The following ACMSD variants were observed in gnomAD, a reference collection of about 807,000 sequenced individuals.
ACMSD encodes the protein 2-amino-3-carboxymuconate-6-semialdehyde decarboxylase.
Under a neutral mutation model 45.9 loss-of-function variants are expected in ACMSD, and 37 were observed. The ratio of observed to expected loss-of-function variants is 0.81; its 90% CI spans 0.62 to 1.06. The LOEUF is 1.06. Ranked by LOEUF, ACMSD falls within the 50% of genes least tolerant of loss-of-function variation. The pLI is 0.00. For missense variants in ACMSD, 434 were observed against 420.9 expected (o/e 1.03, Z -0.27); for synonymous variants, 138 against 148.8 (o/e 0.93, Z 0.53).
chr2:134,851,285 C>CT (rs1687331943), intron 2 of ACMSD, among the ~76,000 whole-genome samples: 1 of 152,172 alleles, frequency 6.6e-6, no homozygotes, highest in Non-Finnish European at 1.5e-5. Context: ...GTGCATGTGT[C>CT]TTTTTGGTAG....
At chr2:134,844,741 AGGGATATGAGC>A (rs1686972900) in intron 1 of ACMSD, among the ~76,000 whole-genome samples, 1 of 152,184 alleles carries the variant, frequency 6.6e-6, no homozygotes, top group African/African-American at 2.4e-5. Context: ...GTGAAAGCAA[AGGGATATGAGC>A]GGGACACCAA....
At chr2:134,861,903 G>C (rs1476617257) in intron 3 of ACMSD, 66 bp from the exon 4 acceptor site, 1 of 1,582,606 alleles carries the variant, frequency 6.3e-7, no homozygotes, top group Non-Finnish European at 8.7e-7. Flanking sequence ...GCTTGGCCTT[G>C]GGAAAGGAAG....
chr2:134,867,407 G>A, intron 5 of ACMSD, 172 bp from the exon 6 acceptor site: 2 of 399,904 alleles, frequency 5.0e-6, no homozygotes, highest in Middle Eastern at 6.3e-4. Context: ...CTAAGCAGGA[G>A]AAGTTTGTCA....
rs73962620 is a variant in ACMSD, at chr2:134,870,066, G to A, written c.581-899G>A. Among the ~76,000 whole-genome samples the A allele has an allele frequency of 4.7e-3, 709 of 152,338 alleles. 7 individuals are homozygous for A. The highest frequency in any genetic ancestry group is 0.016 in the African/African-American group (671 of 41,578). ...CCTGTGAAGCAGTGACCAGCCCCGG[G>A]CAGAATGAGCATCCTGTGAAGCCTA... On this transcript the variant is annotated intron_variant, in intron 6 of 9. Transcript: ENST00000356140.
At chr2:134,874,099 G>A (rs1213816588) in intron 8 of ACMSD, among the ~76,000 whole-genome samples, 1 of 152,200 alleles carries the variant, frequency 6.6e-6, no homozygotes, top group African/African-American at 2.4e-5. Flanking sequence ...ACATTGGCCA[G>A]GGGACAGGAG....
chr2:134,866,798 A>T (rs1688120799), intron 5 of ACMSD, among the ~76,000 whole-genome samples: 1 of 152,216 alleles, frequency 6.6e-6, no homozygotes, highest in African/African-American at 2.4e-5. Flanking sequence ...TTGTTGCATA[A>T]AGGTCATTCC....
At chr2:134,863,952 C>T (rs1424007901) in intron 5 of ACMSD, among the ~76,000 whole-genome samples, 1 of 151,940 alleles carries the variant, frequency 6.6e-6, no homozygotes, top group Non-Finnish European at 1.5e-5. Context: ...GCAAAAGAAT[C>T]GTGTTAATGA....
At chr2:134,897,194 C>A (rs1375185470) in intron 8 of ACMSD, among the ~76,000 whole-genome samples, 1 of 151,570 alleles carries the variant, frequency 6.6e-6, no homozygotes, top group African/African-American at 2.4e-5. Flanking sequence ...AAGCCCTAGT[C>A]CTACTCCATG....
chr2:134,872,640 A>G lies in ACMSD; in HGVS notation c.848A>G (p.Lys283Arg), dbSNP rs1370020180. Residue 283 changes from lysine to arginine, a missense_variant and splice_region_variant, in exon 8 of 10, where the codon AAG (lysine) becomes AGG (arginine). Physicochemically the swap from Lys to Arg is conservative, Grantham distance 26. Transcript: ENST00000356140. The part of the protein sequence containing the change: ...SLKLLTDVIG[K>R]DKVILGTDYP... ...AAGCTGTTAACAGATGTCATAGGAA[A>G]GGTAAGCCCAGTCTGCCACTTGGAT... 1.2e-6 allele frequency: 2 copies of G among 1,614,050 alleles called. No homozygotes were observed. The highest frequency in any genetic ancestry group is 2.7e-5 in the African/African-American group (2 of 74,918).
intron 1 of ACMSD, among the ~76,000 whole-genome samples, chr2:134,840,165 A>G (rs1464190008): frequency 8.2e-6 from 1 of 122,616 alleles, no homozygotes; most frequent in African/African-American, 3.6e-5. Flanking sequence ...AACTATACCT[A>G]GCAAAAAAAA....
In ACMSD at chr2:134,838,637, T is replaced by G; in HGVS notation, c.-46T>G. 1.3e-6 allele frequency: 2 copies of G among 1,532,874 alleles called. No individual in the cohort carries two copies. The highest frequency in any genetic ancestry group is 1.8e-6 in the Non-Finnish European group (2 of 1,112,028). The allele number at this position is 1,532,874 out of a possible 1,614,324, so 95.0% of individuals were successfully genotyped here. ...CTCCACAGTTTTCACAAAGGTCTCT[T>G]GATATCAAAACTTCTTTCCTTGCAT... is the stretch of plus-strand genomic sequence containing the variant. On this transcript the variant is annotated 5_prime_UTR_variant, in exon 1 of 10. Transcript: ENST00000356140.
intron 2 of ACMSD, among the ~76,000 whole-genome samples, chr2:134,848,987 G>C (rs190895447): frequency 1.3e-5 from 2 of 152,258 alleles, no homozygotes; most frequent in East Asian, 3.9e-4. Flanking sequence ...CTAGTTCCTA[G>C]ACCAGGATCT....
At position 134,881,961 on chromosome 2, in the gene ACMSD, T is replaced by C. The variant is rs867931478; in HGVS notation, c.849+9320T>C. On this transcript the variant is annotated intron_variant, in intron 8 of 9. Transcript: ENST00000356140. Reference sequence around the variant, plus strand: ...GGTGAAACCCCATCTCTACTAAAAATACAGAAAGTAGCCAGGCGTGGTGAC... The same window carrying C: ...GGTGAAACCCCATCTCTACTAAAAACACAGAAAGTAGCCAGGCGTGGTGAC... 2.6e-5 allele frequency among the ~76,000 whole-genome samples: 4 copies of C among 152,068 alleles called. No homozygotes were observed. In the South Asian group the frequency reaches 8.3e-4, roughly 31 times the overall value.
At chr2:134,890,159 A>T (rs1290627611) in intron 8 of ACMSD, among the ~76,000 whole-genome samples, 1 of 152,120 alleles carries the variant, frequency 6.6e-6, no homozygotes, top group Non-Finnish European at 1.5e-5. Context: ...ATTTCACATT[A>T]GAGAAACCCA....
At chr2:134,862,072 C>A in intron 4 of ACMSD, 54 bp downstream of exon 4, 1 of 1,602,562 alleles carries the variant, frequency 6.2e-7, no homozygotes, top group Non-Finnish European at 8.6e-7. Flanking sequence ...GTGTTGAGCT[C>A]CCAAAAAGTG....
At chr2:134,840,167 C>CAAAAAAAACAAAAAA (rs1686720335) in intron 1 of ACMSD, among the ~76,000 whole-genome samples, 1 of 23,434 alleles carries the variant, frequency 4.3e-5, no homozygotes, top group Non-Finnish European at 8.3e-5. Context: ...CTATACCTAG[C>CAAAAAAAACAAAAAA]AAAAAAAAAA....
In ACMSD at chr2:134,853,112, G is replaced by A. The variant is rs538133862; in HGVS notation, c.103-6149G>A. Among the ~76,000 whole-genome samples, 23 of 145,710 alleles carry A rather than the reference G, an allele frequency of 1.6e-4. No individual in the cohort carries two copies. In the South Asian group the frequency reaches 3.2e-3, roughly 20 times the overall value. On this transcript the variant is annotated intron_variant, in intron 2 of 9. Coordinates refer to ENST00000356140, the MANE Select transcript of ACMSD (RefSeq NM_138326.3). ...CAGGAGGCGGAGATTGCAGTGAGCCGAGATCGCACCACTACACTCCAGCCT... is the reference window on the plus strand; with the variant it reads ...CAGGAGGCGGAGATTGCAGTGAGCCAAGATCGCACCACTACACTCCAGCCT...
chr2:134,901,100 T>C (rs1017370667), intron 9 of ACMSD, among the ~76,000 whole-genome samples: 1 of 152,152 alleles, frequency 6.6e-6, no homozygotes, highest in Non-Finnish European at 1.5e-5. Context: ...GGTCATAATA[T>C]AGAAGGACAC....
At chr2:134,885,191 G>C (rs1473816852) in intron 8 of ACMSD, among the ~76,000 whole-genome samples, 1 of 135,304 alleles carries the variant, frequency 7.4e-6, no homozygotes, top group East Asian at 2.0e-4. Context: ...GTGAGACTTT[G>C]TCTCAAAAAA....
Sources: gnomAD v4.1 joint callset for allele counts (sites outside exome capture counted in the v4.1 genomes callset) on GRCh38, gnomAD v4.1.1 for gene constraint, MANE v1.5 for transcripts, NCBI Gene and HGNC (gene_info 2026-07-23, HGNC 2026-07-21) for gene names.